Variants in REL observed in about 807,000 individuals in gnomAD.
The protein encoded by REL is proto-oncogene c-Rel.
REL carries 15 observed loss-of-function variants against 45.9 expected under a neutral mutation model. The observed-to-expected ratio is 0.33, with a 90% CI of 0.22 to 0.50. REL has a LOEUF of 0.50. REL is among the 20% of genes least tolerant of loss of function. REL has a pLI of 0.98. For missense variants in REL, 601 were observed against 715.2 expected, an observed-to-expected ratio of 0.84 and a Z score of 1.82; for synonymous variants, 239 against 242.1, an observed-to-expected ratio of 0.99 and a Z score of 0.12.
chr2:60,912,905 G>A (rs543610546), intron 4 of REL, among the ~76,000 whole-genome samples: 24 of 151,444 alleles, frequency 1.6e-4, no homozygotes, highest in East Asian at 1.6e-3. Flanking sequence ...TAATTAAGTC[G>A]GATTCCCTAC....
chr2:60,902,099 G>A (rs1673513990), intron 4 of REL, among the ~76,000 whole-genome samples: 1 of 152,006 alleles, frequency 6.6e-6, no homozygotes, highest in Non-Finnish European at 1.5e-5. Context: ...GCAGAAGTCA[G>A]GAATTAAATG....
intron 3 of REL, chr2:60,900,700 T>G (rs1673470216): frequency 3.6e-6 from 1 of 276,692 alleles, no homozygotes; most frequent in South Asian, 4.7e-5. Context: ...ATTTTGTATT[T>G]TTAGTAGAGA....
At chr2:60,885,102 G>A (rs1304593673) in intron 1 of REL, among the ~76,000 whole-genome samples, 1 of 152,148 alleles carries the variant, frequency 6.6e-6, no homozygotes, top group Non-Finnish European at 1.5e-5. Context: ...TGACTAGGGA[G>A]GAGCCAGACA....
intron 4 of REL, among the ~76,000 whole-genome samples, chr2:60,912,995 A>T (rs1362819500): frequency 6.6e-6 from 1 of 152,192 alleles, no homozygotes; most frequent in Non-Finnish European, 1.5e-5. Context: ...CTTTTGGTAG[A>T]CTATGTTGGT....
rs1426001595 is a variant in REL at position 60,929,386 on chromosome 2, G to A, written c.*6851G>A. ...CACATGCACACGTATGTTTATTGCG[G>A]CATTATTCACAATAGCAAAGACTTG... On this transcript the variant is annotated 3_prime_UTR_variant, in exon 10 of 10. Transcript: ENST00000394479. 7.3e-6 allele frequency: 1 copy of A among 137,632 alleles called. No individual in the cohort carries two copies. Among genetic ancestry groups the A allele is most frequent in the African/African-American group, 2.8e-5 (1 of 36,098 alleles). 8.5% of individuals were successfully genotyped at this position (137,632 alleles called of 1,614,324 possible).
rs953785901 is a variant in REL at position 60,926,626 on chromosome 2, A to G, written c.*4091A>G. The G allele has an allele frequency of 6.5e-5, 15 of 230,620 alleles. No individual in the cohort carries two copies. In the East Asian group the frequency reaches 7.9e-4, roughly 12 times the overall value. The allele number at this position is 230,620 out of a possible 1,614,324, so 14.3% of individuals were successfully genotyped here. On this transcript the variant is annotated 3_prime_UTR_variant, in exon 10 of 10. Transcript: ENST00000394479. ...TGATCTTATCAGAGCCCACAGGTTC[A>G]GTTTTCTTTCATGCTACCTGAATGT...
At chr2:60,904,603 G>A (rs1169702547) in intron 4 of REL, among the ~76,000 whole-genome samples, 1 of 150,894 alleles carries the variant, frequency 6.6e-6, no homozygotes, top group African/African-American at 2.4e-5. Context: ...AAAAAATCAA[G>A]TAGGCCAGGC....
rs1258115812 is a variant in REL, at chr2:60,894,480, A to G, written c.237A>G (p.Leu79=). The G allele has an allele frequency of 6.2e-7, 1 of 1,610,006 alleles. No individual in the cohort carries two copies. Among genetic ancestry groups the G allele is most frequent in the African/African-American group, 1.3e-5 (1 of 74,762 alleles). The part of the protein sequence containing the change: ...NDPYKPHPHD[L]VGKDCRDGYY... ...CATATAAACCTCATCCTCATGATTT[A>G]GTTGGAAAAGACTGCAGAGACGGCT... The change falls in exon 3 of 10, where the codon TTA becomes TTG. Residue 79 remains leucine, a synonymous_variant. Transcript: ENST00000394479.
intron 4 of REL, among the ~76,000 whole-genome samples, chr2:60,904,312 G>A (rs1446185452): frequency 6.6e-6 from 1 of 151,808 alleles, no homozygotes; most frequent in African/African-American, 2.4e-5. Context: ...TGAAGCAGGA[G>A]ATTCGCTTGA....
Position 60,925,835 on chromosome 2 carries a change from T to G in REL, c.*3300T>G, listed in dbSNP as rs1245876332. ...GTTGGCTACTTAGTATAAGTAAGTA[T>G]AAGCCGAATTAAGGTTCTGCTACAT... On this transcript the variant is annotated 3_prime_UTR_variant, in exon 10 of 10. Coordinates refer to ENST00000394479, the MANE Select transcript of REL (RefSeq NM_001291746.2). 1 of 218,266 alleles carries G rather than the reference T, an allele frequency of 4.6e-6. No individual in the cohort carries two copies. Among genetic ancestry groups the G allele is most frequent in the Non-Finnish European group, 9.2e-6 (1 of 108,320 alleles). 13.5% of individuals were successfully genotyped at this position (218,266 alleles called of 1,614,324 possible). A position where few individuals can be genotyped will look rare whatever the true frequency, so the allele number is the denominator to read the frequency against.
intron 3 of REL, among the ~76,000 whole-genome samples, chr2:60,896,929 A>T (rs1673365487): frequency 6.6e-6 from 1 of 152,222 alleles, no homozygotes; most frequent in Non-Finnish European, 1.5e-5. Flanking sequence ...CATGAATAAC[A>T]TGAATAATAT....
intron 4 of REL, among the ~76,000 whole-genome samples, chr2:60,902,566 G>C (rs1484028136): frequency 1.3e-5 from 2 of 149,304 alleles, no homozygotes; most frequent in Non-Finnish European, 3.0e-5. Context: ...TTATTGTTTG[G>C]GTAGAACATA....
At chr2:60,901,792 G>A (rs927406516) in intron 4 of REL, among the ~76,000 whole-genome samples, 9 of 152,136 alleles carry the variant, frequency 5.9e-5, no homozygotes, top group Non-Finnish European at 1.0e-4. Flanking sequence ...TAATCCCAAT[G>A]TGGAAGAAGA....
intron 4 of REL, among the ~76,000 whole-genome samples, chr2:60,916,150 C>T (rs964552958): frequency 2.6e-5 from 4 of 152,244 alleles, no homozygotes; most frequent in Admixed American, 1.3e-4. Flanking sequence ...CAGTGGCTCA[C>T]GCCCATAATC....
chr2:60,889,053 T>G (rs181471215), intron 1 of REL, among the ~76,000 whole-genome samples: 19 of 152,380 alleles, frequency 1.2e-4, no homozygotes, highest in Non-Finnish European at 2.8e-4. Context: ...TTCATTGATT[T>G]CATCACACAT....
Position 60,918,489 on chromosome 2 carries a change from A to G in REL, c.736A>G (p.Thr246Ala). 2 of 1,614,012 alleles carry G rather than the reference A, an allele frequency of 1.2e-6. No homozygotes were observed. Among genetic ancestry groups the G allele is most frequent in the Non-Finnish European group, 1.7e-6 (2 of 1,179,998 alleles). ...VHRQVAIVFK[T>A]PPYCKAITEP... ...CCGTCAAGTAGCCATTGTTTTCAAA[A>G]CTCCACCATATTGCAAAGCTATCAC... The change falls in exon 7 of 10, where the codon ACT becomes GCT. Residue 246 changes from threonine to alanine, a missense_variant. Coordinates refer to ENST00000394479, the MANE Select transcript of REL (RefSeq NM_001291746.2).
At chr2:60,892,839 C>T in intron 2 of REL, among the ~76,000 whole-genome samples, 1 of 152,084 alleles carries the variant, frequency 6.6e-6, no homozygotes, top group East Asian at 1.9e-4. Context: ...ACTGCAAGCT[C>T]CACCTCCCAG....
intron 4 of REL, among the ~76,000 whole-genome samples, chr2:60,906,668 T>C (rs755166066): frequency 3.3e-5 from 5 of 152,060 alleles, no homozygotes; most frequent in Non-Finnish European, 5.9e-5. Context: ...AGAAGAGCCA[T>C]GTTCTTTCTT....
chr2:60,921,663 T>C (rs1674143364), intron 9 of REL, 100 bp from the exon 10 acceptor site: 1 of 1,030,190 alleles, frequency 9.7e-7, no homozygotes, highest in African/African-American at 1.6e-5. Flanking sequence ...CTTGACATTT[T>C]TCTTTATATA....
Sources: allele counts gnomAD v4.1 joint callset (sites outside exome capture counted in the v4.1 genomes callset), GRCh38; gene constraint gnomAD v4.1.1; transcripts MANE v1.5; gene names NCBI Gene and HGNC (gene_info 2026-07-23, HGNC 2026-07-21).